Variants in DLG2 observed in about 807,000 individuals in gnomAD.
DLG2 encodes the protein disks large homolog 2.
DLG2 carries 45 observed loss-of-function variants against 132.5 expected under a neutral mutation model. The ratio of observed to expected loss-of-function variants is 0.34; its 90% CI spans 0.27 to 0.44. The LOEUF (loss-of-function observed/expected upper bound fraction) is 0.44. Among genes scored for constraint, DLG2 ranks in the 20% least tolerant of loss-of-function variants. DLG2 has a pLI of 1.00. For synonymous variants in DLG2, 424 were observed against 419.6 expected (o/e 1.01, Z -0.13); for missense variants, 1,045 against 1,196.9 (o/e 0.87, Z 1.87).
intron 5 of DLG2, among the ~76,000 whole-genome samples, chr11:85,129,332 T>G (rs1430431839): frequency 6.6e-6 from 1 of 152,234 alleles, no homozygotes; most frequent in Admixed American, 6.5e-5. Flanking sequence ...CAAATCAATC[T>G]AACTAGACTG....
chr11:83,997,121 T>TA lies in DLG2; in HGVS notation c.920-16480dup, dbSNP rs61167925. On this transcript the variant is annotated intron_variant, in intron 11 of 27. Transcript: ENST00000376104. The stretch of plus-strand genomic sequence containing the variant: ...ACTATGTACTCACAAAAACTAAAAG[T>TA]AAAAAAAAAAAAATAAAAAATAAAA... Among the ~76,000 whole-genome samples, 751 of 148,920 alleles carry TA rather than the reference T, an allele frequency of 5.0e-3. 1 individual carries two copies. Among genetic ancestry groups the TA allele is most frequent in the Non-Finnish European group, 7.0e-3 (471 of 67,320 alleles).
At chr11:84,340,386 G>A (rs778194515) in intron 7 of DLG2, among the ~76,000 whole-genome samples, 6 of 152,138 alleles carry the variant, frequency 3.9e-5, no homozygotes, top group Non-Finnish European at 4.4e-5. Context: ...AATGTCAGTG[G>A]TGATGCAACA....
intron 15 of DLG2, among the ~76,000 whole-genome samples, chr11:83,909,925 T>G (rs1404768982): frequency 6.6e-6 from 1 of 152,186 alleles, no homozygotes; most frequent in Non-Finnish European, 1.5e-5. Context: ...AATGTCTCCA[T>G]GTCCTGTTCC....
At chr11:84,427,868 A>T (rs1460769455) in intron 7 of DLG2, among the ~76,000 whole-genome samples, 2 of 152,228 alleles carry the variant, frequency 1.3e-5, no homozygotes, top group Non-Finnish European at 1.5e-5. Flanking sequence ...AACCCTGGTG[A>T]AAAGTTACCA....
chr11:85,015,200 T>C (rs983915106), intron 6 of DLG2, among the ~76,000 whole-genome samples: 1 of 152,180 alleles, frequency 6.6e-6, no homozygotes, highest in East Asian at 1.9e-4. Flanking sequence ...TAACATGTTT[T>C]ATTTGGTCTT....
intron 7 of DLG2, among the ~76,000 whole-genome samples, chr11:84,334,116 A>T (rs2098473251): frequency 6.6e-6 from 1 of 152,218 alleles, no homozygotes. Flanking sequence ...CCTTCATTAA[A>T]TCAACATTCA....
At chr11:83,720,326 A>AAAAAAAAAAAAAAAAAT (rs1593067642) in intron 18 of DLG2, among the ~76,000 whole-genome samples, 1 of 138,636 alleles carries the variant, frequency 7.2e-6, no homozygotes, top group Non-Finnish European at 1.5e-5. Flanking sequence ...AAAAAAAAAA[A>AAAAAAAAAAAAAAAAAT]GAATGACATT....
chr11:85,263,176 T>G (rs2077031572), intron 4 of DLG2, among the ~76,000 whole-genome samples: 1 of 152,216 alleles, frequency 6.6e-6, no homozygotes, highest in Non-Finnish European at 1.5e-5. Context: ...GGATGAATAC[T>G]GCATGAGCAA....
At chr11:84,553,376 T>A (rs990157885) in intron 6 of DLG2, among the ~76,000 whole-genome samples, 7 of 152,194 alleles carry the variant, frequency 4.6e-5, no homozygotes, top group African/African-American at 1.4e-4. Flanking sequence ...GACTGATAAA[T>A]GTTATCAACC....
intron 14 of DLG2, among the ~76,000 whole-genome samples, chr11:83,940,479 AC>A (rs2082398210): frequency 6.6e-6 from 1 of 152,188 alleles, no homozygotes; most frequent in Non-Finnish European, 1.5e-5. Context: ...CATATGCAAT[AC>A]TATTATCTGC....
intron 6 of DLG2, among the ~76,000 whole-genome samples, chr11:84,821,318 A>G (rs1479714024): frequency 6.6e-6 from 1 of 151,712 alleles, no homozygotes; most frequent in Non-Finnish European, 1.5e-5. Context: ...ACTTTATGAA[A>G]CGCAGATAGA....
intron 18 of DLG2, among the ~76,000 whole-genome samples, chr11:83,681,463 C>T (rs1295676270): frequency 2.6e-5 from 4 of 152,182 alleles, no homozygotes; most frequent in African/African-American, 9.7e-5. Context: ...ATACAACAGT[C>T]ATGCCTTCTG....
chr11:84,641,678 C>T lies in DLG2; in HGVS notation c.358-106947G>A, dbSNP rs554277718. Among the ~76,000 whole-genome samples the T allele has an allele frequency of 2.6e-5, 4 of 152,152 alleles. No homozygotes were observed. The South Asian group carries it at 8.3e-4, about 32-fold the overall frequency. The stretch of plus-strand genomic sequence containing the variant: ...GACTACCCAGTTAAAAACTCTGGCT[C>T]AATTCTACTTTCAAGCTTGGATTAC... On this transcript the variant is annotated intron_variant, in intron 6 of 27. Coordinates refer to ENST00000376104, the MANE Select transcript of DLG2 (RefSeq NM_001142699.3).
At chr11:83,892,480 A>G (rs2070228794) in intron 15 of DLG2, among the ~76,000 whole-genome samples, 1 of 152,190 alleles carries the variant, frequency 6.6e-6, no homozygotes, top group Admixed American at 6.5e-5. Flanking sequence ...TCTAAACACT[A>G]AAATGTTTTG....
At chr11:83,925,071 A>T (rs2078704135) in intron 15 of DLG2, among the ~76,000 whole-genome samples, 1 of 152,134 alleles carries the variant, frequency 6.6e-6, no homozygotes, top group Non-Finnish European at 1.5e-5. Flanking sequence ...AATAAGCAGG[A>T]GGCCCTTAGG....
chr11:84,797,137 A>G (rs1443272082), intron 6 of DLG2, among the ~76,000 whole-genome samples: 2 of 152,124 alleles, frequency 1.3e-5, no homozygotes, highest in African/African-American at 4.8e-5. Context: ...GTGAGCCACC[A>G]TGCCCGGCCT....
At chr11:84,976,913 T>C (rs1196065327) in intron 6 of DLG2, among the ~76,000 whole-genome samples, 1 of 152,158 alleles carries the variant, frequency 6.6e-6, no homozygotes, top group Non-Finnish European at 1.5e-5. Context: ...ATCTCCTGTT[T>C]TACATTCATT....
chr11:84,836,217 ATACT>A (rs1362720557), intron 6 of DLG2, among the ~76,000 whole-genome samples: 1 of 151,852 alleles, frequency 6.6e-6, no homozygotes, highest in Non-Finnish European at 1.5e-5. Flanking sequence ...AAAATATTTA[ATACT>A]TAGTCAGAAA....
chr11:85,194,729 C>G (rs1471220773), intron 4 of DLG2, among the ~76,000 whole-genome samples: 2 of 152,002 alleles, frequency 1.3e-5, no homozygotes, highest in African/African-American at 2.4e-5. Flanking sequence ...GGCTAAGCCC[C>G]TAGTAGGGAG....
Sources: gnomAD v4.1 joint callset for allele counts (sites outside exome capture counted in the v4.1 genomes callset) on GRCh38, gnomAD v4.1.1 for gene constraint, MANE v1.5 for transcripts, NCBI Gene and HGNC (gene_info 2026-07-23, HGNC 2026-07-21) for gene names.